The following GLIS1 variants were observed in gnomAD, a reference collection of about 807,000 sequenced individuals.
GLIS1 encodes zinc finger protein GLIS1.
Under a neutral mutation model 63.8 loss-of-function variants are expected in GLIS1, and 24 were observed. That is an observed-to-expected ratio of 0.38 (90% CI 0.27 to 0.53). GLIS1 has a LOEUF of 0.53. Among genes scored for constraint, GLIS1 ranks in the 20% least tolerant of loss-of-function variants. The pLI is 0.85. For synonymous variants in GLIS1, 450 were observed against 482.5 expected (o/e 0.93, Z 0.88); for missense variants, 1,036 against 1,074.1 (o/e 0.96, Z 0.50).
At chr1:53,655,852 A>G (rs1218306027) in intron 2 of GLIS1, among the ~76,000 whole-genome samples, 2 of 152,244 alleles carry the variant, frequency 1.3e-5, no homozygotes, top group Non-Finnish European at 2.9e-5. Context: ...CACGAGCTGC[A>G]TATCATCACT....
At chr1:53,685,758 G>A (rs1299203265) in intron 2 of GLIS1, among the ~76,000 whole-genome samples, 4 of 152,044 alleles carry the variant, frequency 2.6e-5, no homozygotes, top group East Asian at 1.9e-4. Context: ...TCTCCCCAGC[G>A]GCTTCAGCGC....
intron 4 of GLIS1, among the ~76,000 whole-genome samples, chr1:53,538,213 G>A (rs962268820): frequency 2.0e-5 from 3 of 152,212 alleles, no homozygotes; most frequent in South Asian, 2.1e-4. Context: ...GGGTCCTGGG[G>A]GTGAGGCTGG....
At chr1:53,603,003 A>G (rs1459821664) in intron 2 of GLIS1, among the ~76,000 whole-genome samples, 1 of 152,228 alleles carries the variant, frequency 6.6e-6, no homozygotes, top group East Asian at 1.9e-4. Flanking sequence ...TGGTCAAAGC[A>G]GTTTGCCAAG....
At chr1:53,522,986 C>CTTTTTCTTTTTTTTTTTT (rs760283252) in intron 6 of GLIS1, among the ~76,000 whole-genome samples, 5 of 43,698 alleles carry the variant, frequency 1.1e-4, no homozygotes, top group African/African-American at 2.2e-4. Flanking sequence ...TCTTTTCTTT[C>CTTTTTCTTTTTTTTTTTT]TTTTTTTTTT....
intron 2 of GLIS1, among the ~76,000 whole-genome samples, chr1:53,676,685 C>T (rs1224923810): frequency 2.0e-5 from 3 of 152,142 alleles, no homozygotes; most frequent in African/African-American, 7.2e-5. Context: ...ACAGGTCCTT[C>T]CCCAGCCCTC....
chr1:53,616,978 C>T (rs1210647156), intron 2 of GLIS1, among the ~76,000 whole-genome samples: 1 of 152,076 alleles, frequency 6.6e-6, no homozygotes, highest in Non-Finnish European at 1.5e-5. Context: ...CCCAGGCTCC[C>T]TCCTCCAGGA....
Position 53,509,260 on chromosome 1 carries a change from T to G in GLIS1, c.2090A>C (p.Gln697Pro), listed in dbSNP as rs1644271808. 1 of 1,587,300 alleles carries G rather than the reference T, an allele frequency of 6.3e-7. No homozygotes were observed. The highest frequency in any genetic ancestry group is 1.3e-5 in the African/African-American group (1 of 74,576). Reference sequence around the variant, plus strand: ...GCAGTCGCCATAGGGGAAGCAACTCTGGATGGAGTGGAAACTGCCCTGGTA... The same window carrying G: ...GCAGTCGCCATAGGGGAAGCAACTCGGGATGGAGTGGAAACTGCCCTGGTA... ...QGYQGSFHSI[Q>P]SCFPYGDCYR... Residue 697 changes from glutamine (Q) to proline (P), a missense_variant, in exon 10 of 11, where the codon CAG becomes CCG. Gln to Pro is a moderately conservative substitution (Grantham distance 76, BLOSUM62 -1). Transcript: ENST00000628545.
At chr1:53,659,837 T>G (rs1646007054) in intron 2 of GLIS1, among the ~76,000 whole-genome samples, 3 of 152,196 alleles carry the variant, frequency 2.0e-5, no homozygotes, top group African/African-American at 2.4e-5. Flanking sequence ...ATTAATGAGA[T>G]GAAAGAGATA....
rs565974569 is a variant in GLIS1, at chr1:53,513,642, G to T, written c.1883+983C>A. Among the ~76,000 whole-genome samples, 54 of 152,238 alleles carry T rather than the reference G, an allele frequency of 3.5e-4. 1 individual carries two copies. The South Asian group carries it at 0.01, about 29-fold the overall frequency. On this transcript the variant is annotated intron_variant, in intron 8 of 10. Transcript: ENST00000628545. Reference sequence around the variant, plus strand: ...TCTGCTTCCTTGCCGCACACCACTGGCCCCCTGTGTGGTAGGTCTCCCTCT... The same window carrying T: ...TCTGCTTCCTTGCCGCACACCACTGTCCCCCTGTGTGGTAGGTCTCCCTCT...
intron 10 of GLIS1, among the ~76,000 whole-genome samples, chr1:53,507,747 T>TC (rs1312703551): frequency 3.9e-5 from 6 of 151,994 alleles, no homozygotes; most frequent in African/African-American, 1.2e-4. Flanking sequence ...TGAAAGAACC[T>TC]CCCCTGGCCG....
intron 4 of GLIS1, among the ~76,000 whole-genome samples, chr1:53,553,037 T>C (rs1644777517): frequency 6.6e-6 from 1 of 152,188 alleles, no homozygotes; most frequent in Admixed American, 6.5e-5. Context: ...TAGCTGATGT[T>C]TCAGCTCTGG....
At chr1:53,507,368 G>C (rs75395287) in intron 10 of GLIS1, among the ~76,000 whole-genome samples, 8,030 of 152,262 alleles carry the variant, frequency 0.053, 230 homozygotes, top group Non-Finnish European at 0.067. Context: ...TGTGAGTAAG[G>C]GGTGGAGCTG....
chr1:53,688,386 G>A (rs572880179), intron 2 of GLIS1, among the ~76,000 whole-genome samples: 6 of 152,236 alleles, frequency 3.9e-5, no homozygotes, highest in South Asian at 2.1e-4. Flanking sequence ...CTCTCCCCTC[G>A]TGCAGCTGTG....
chr1:53,520,217 G>A lies in GLIS1; in HGVS notation c.1726+417C>T, dbSNP rs559211219. Among the ~76,000 whole-genome samples the A allele has an allele frequency of 7.9e-5, 12 of 152,300 alleles. No homozygotes were observed. In the South Asian group the frequency reaches 1.9e-3, roughly 24 times the overall value. ...AAGGGCAGGAGCTACCGTCATGAAG[G>A]GTAGGAGAAGAGGGCTGGCTGGGTG... is the stretch of plus-strand genomic sequence containing the variant. On this transcript the variant is annotated intron_variant, in intron 7 of 10. Transcript: ENST00000628545.
intron 4 of GLIS1, among the ~76,000 whole-genome samples, chr1:53,544,768 C>T (rs1644681093): frequency 6.6e-6 from 1 of 152,198 alleles, no homozygotes; most frequent in African/African-American, 2.4e-5. Flanking sequence ...AAGTCAGGCT[C>T]AGCTCCAACA....
At position 53,524,895 on chromosome 1, in the gene GLIS1, A is replaced by C; in HGVS notation, c.1483-8T>G. ...CTGACAGGCGTACGGCTTCTGTAAC[A>C]TGGGGGGCACGGGTGGGGTGAGTGA... On this transcript the variant is annotated splice_polypyrimidine_tract_variant and splice_region_variant and intron_variant, in intron 5 of 10. Coordinates refer to ENST00000628545, the MANE Select transcript of GLIS1 (RefSeq NM_001367484.1). The C allele has an allele frequency of 6.4e-7, 1 of 1,566,634 alleles. No homozygotes were observed. The highest frequency in any genetic ancestry group is 8.8e-7 in the Non-Finnish European group (1 of 1,140,014).
chr1:53,567,900 T>G (rs570584306), intron 4 of GLIS1, among the ~76,000 whole-genome samples: 19 of 152,360 alleles, frequency 1.2e-4, no homozygotes, highest in Non-Finnish European at 2.4e-4. Context: ...GGCAGAAGTC[T>G]GCTACAGGGG....
chr1:53,704,926 C>G (rs761188567), intron 2 of GLIS1, among the ~76,000 whole-genome samples: 2 of 152,208 alleles, frequency 1.3e-5, no homozygotes, highest in Non-Finnish European at 2.9e-5. Flanking sequence ...GGCACCACCT[C>G]ATGGGAGGCA....
chr1:53,546,532 G>A (rs1644700794), intron 4 of GLIS1, among the ~76,000 whole-genome samples: 1 of 152,186 alleles, frequency 6.6e-6, no homozygotes, highest in Non-Finnish European at 1.5e-5. Flanking sequence ...GGTGTCTTCT[G>A]GAAAACGGGG....
Sources: allele counts gnomAD v4.1 joint callset (sites outside exome capture counted in the v4.1 genomes callset), GRCh38; gene constraint gnomAD v4.1.1; transcripts MANE v1.5; gene names NCBI Gene and HGNC (gene_info 2026-07-23, HGNC 2026-07-21).